The following KCNIP3 variants were observed in gnomAD, a reference collection of about 807,000 sequenced individuals.
KCNIP3 encodes the protein calsenilin.
Under a neutral mutation model 35.0 loss-of-function variants are expected in KCNIP3, and 28 were observed. The observed-to-expected ratio is 0.80, with a 90% CI of 0.59 to 1.10. KCNIP3 has a LOEUF of 1.10. KCNIP3 is among the 50% of genes least tolerant of loss of function. KCNIP3 has a pLI of 0.00. For missense variants in KCNIP3, 295 were observed against 338.4 expected (o/e 0.87, Z 1.01); for synonymous variants, 134 against 133.8 (o/e 1.00, Z -0.01).
intron 2 of KCNIP3, among the ~76,000 whole-genome samples, chr2:95,329,137 T>A (rs563463201): frequency 6.6e-6 from 1 of 152,316 alleles, no homozygotes; most frequent in South Asian, 2.1e-4. Flanking sequence ...TTTGGGTTAC[T>A]TCGAGGATTA....
chr2:95,355,334 T>G (rs577365227), intron 2 of KCNIP3: 30 of 152,294 alleles, frequency 2.0e-4, no homozygotes, highest in African/African-American at 5.5e-4. Flanking sequence ...GGAGGCGCTT[T>G]CTTTCTTTTT....
rs542673412 is a variant in KCNIP3, at chr2:95,318,016, C to T, written c.181+7496C>T. On this transcript the variant is annotated intron_variant, in intron 2 of 8. Coordinates refer to ENST00000295225, the MANE Select transcript of KCNIP3 (RefSeq NM_013434.5). ...GGCTACAGAAGGGACAGCTTTGGGC[C>T]GGGTCAAGGATTGGGCCTGCCTTAT... is the stretch of plus-strand genomic sequence containing the variant. Among the ~76,000 whole-genome samples, 7 of 101,366 alleles carry T rather than the reference C, an allele frequency of 6.9e-5. No homozygotes were observed. The South Asian group carries it at 2.1e-3, about 31-fold the overall frequency. The allele number at this position is 101,366 out of a possible 152,430, so 66.5% of individuals were successfully genotyped here.
At chr2:95,375,003 T>G (rs1157255019) in intron 4 of KCNIP3, 86 bp downstream of exon 4, 1 of 1,525,046 alleles carries the variant, frequency 6.6e-7, no homozygotes, top group East Asian at 2.3e-5. Context: ...GGAGGCTTGG[T>G]GCTGCCCCTG....
intron 2 of KCNIP3, among the ~76,000 whole-genome samples, chr2:95,353,587 T>C (rs539328886): frequency 6.6e-6 from 1 of 152,258 alleles, no homozygotes; most frequent in East Asian, 1.9e-4. Context: ...TACCTCCCAG[T>C]ATCCACTTTA....
intron 2 of KCNIP3, among the ~76,000 whole-genome samples, chr2:95,349,513 T>C (rs1326855894): frequency 6.6e-6 from 1 of 152,172 alleles, no homozygotes; most frequent in Non-Finnish European, 1.5e-5. Context: ...TCAGTCCCTT[T>C]CCCTTGATGA....
chr2:95,383,166 T>C, intron 7 of KCNIP3, 66 bp from the exon 8 acceptor site: 1 of 1,009,910 alleles, frequency 9.9e-7, no homozygotes, highest in Non-Finnish European at 1.4e-6. Flanking sequence ...TTCTGCGTCC[T>C]CAGGCCAGGG....
intron 1 of KCNIP3, among the ~76,000 whole-genome samples, chr2:95,308,130 T>C (rs780641398): frequency 5.9e-5 from 9 of 152,144 alleles, no homozygotes; most frequent in Non-Finnish European, 1.2e-4. Context: ...GTGAGCATTG[T>C]ACACGTGTGT....
rs778536823 is a variant in KCNIP3 at position 95,374,433 on chromosome 2, C to T, written c.306+13C>T. On this transcript the variant is annotated intron_variant, in intron 3 of 8. Transcript: ENST00000295225. ...GGGCTTTAAGAATGTGAGTGTTCCCCATTCCCCCGGGAGAGGCCTTGGAGA... is the reference window on the plus strand; with the variant it reads ...GGGCTTTAAGAATGTGAGTGTTCCCTATTCCCCCGGGAGAGGCCTTGGAGA... 1.9e-6 allele frequency: 3 copies of T among 1,613,158 alleles called. No individual in the cohort carries two copies. The highest frequency in any genetic ancestry group is 2.2e-5 in the East Asian group (1 of 44,870).
chr2:95,374,491 T>C (rs1480630182), intron 3 of KCNIP3, 71 bp downstream of exon 3: 3 of 1,562,500 alleles, frequency 1.9e-6, no homozygotes, highest in Non-Finnish European at 2.6e-6. Flanking sequence ...AACTTCTCCA[T>C]GCCACAGTAA....
At chr2:95,374,243 A>G in intron 2 of KCNIP3, 53 bp from the exon 3 acceptor site, 1 of 1,592,198 alleles carries the variant, frequency 6.3e-7, no homozygotes, top group Non-Finnish European at 8.6e-7. Flanking sequence ...CTGGAGCAAG[A>G]TGGAGGAGCA....
intron 3 of KCNIP3, 30 bp downstream of exon 3, chr2:95,374,450 C>A: frequency 6.2e-7 from 1 of 1,608,658 alleles, no homozygotes; most frequent in Non-Finnish European, 8.5e-7. Flanking sequence ...CCGGGAGAGG[C>A]CTTGGAGACC....
At chr2:95,312,581 T>G (rs1279914232) in intron 2 of KCNIP3, 1 of 152,332 alleles carries the variant, frequency 6.6e-6, no homozygotes, top group Non-Finnish European at 1.5e-5. Flanking sequence ...CCGGACCTTG[T>G]GCCGGCACTG....
Position 95,380,165 on chromosome 2 carries a change from A to C in KCNIP3, c.448-1431A>C, listed in dbSNP as rs995301841. 4.6e-5 allele frequency among the ~76,000 whole-genome samples: 7 copies of C among 151,940 alleles called. No individual in the cohort carries two copies. The South Asian group carries it at 1.2e-3, about 27-fold the overall frequency. On this transcript the variant is annotated intron_variant, in intron 5 of 8. Transcript: ENST00000295225. ...ATTTGCTCTCCCAACCTTTCTTTTT[A>C]AGTCTGTCATTTTGCTTTCTTATTT... is the stretch of plus-strand genomic sequence containing the variant.
chr2:95,371,596 T>A (rs1347412472), intron 2 of KCNIP3, among the ~76,000 whole-genome samples: 3 of 152,214 alleles, frequency 2.0e-5, no homozygotes, highest in Non-Finnish European at 4.4e-5. Context: ...TGTCATACCA[T>A]TTACTGGAAA....
At chr2:95,362,403 G>A (rs567329640) in intron 2 of KCNIP3, among the ~76,000 whole-genome samples, 1 of 152,200 alleles carries the variant, frequency 6.6e-6, no homozygotes, top group East Asian at 1.9e-4. Flanking sequence ...ACCACACCCG[G>A]CCTCTCTTAC....
intron 2 of KCNIP3, among the ~76,000 whole-genome samples, chr2:95,359,474 C>A (rs1679737963): frequency 6.6e-6 from 1 of 152,238 alleles, no homozygotes; most frequent in Non-Finnish European, 1.5e-5. Context: ...CACTGGGGCC[C>A]TGGGCACCCC....
rs561605140 is a variant in KCNIP3 at position 95,376,018 on chromosome 2, C to T, written c.447+810C>T. ...AATAATAACTTGTCGATAAGCTGCG[C>T]GGGTTATTTTTATGCCGCAAGCCCG... On this transcript the variant is annotated intron_variant, in intron 5 of 8. Transcript: ENST00000295225. The surrounding 1 kb of genome is among the most constrained non-coding windows in gnomAD (Gnocchi z 4.2). Among the ~76,000 whole-genome samples, 4 of 152,302 alleles carry T rather than the reference C, an allele frequency of 2.6e-5. No homozygotes were observed. Among genetic ancestry groups the T allele is most frequent in the Middle Eastern group, 3.4e-3 (1 of 294 alleles).
chr2:95,325,483 G>A (rs1275015339), intron 2 of KCNIP3, among the ~76,000 whole-genome samples: 1 of 152,136 alleles, frequency 6.6e-6, no homozygotes, highest in African/African-American at 2.4e-5. Flanking sequence ...CAGGCAGGAG[G>A]TTCAGGGGGC....
At chr2:95,362,412 A>T (rs1679821607) in intron 2 of KCNIP3, among the ~76,000 whole-genome samples, 1 of 151,762 alleles carries the variant, frequency 6.6e-6, no homozygotes, top group Non-Finnish European at 1.5e-5. Context: ...GGCCTCTCTT[A>T]CTCTTCATAT....
Sources: allele counts gnomAD v4.1 joint callset (sites outside exome capture counted in the v4.1 genomes callset), GRCh38; gene constraint gnomAD v4.1.1; non-coding constraint Gnocchi (gnomAD v3.1); transcripts MANE v1.5; gene names NCBI Gene and HGNC (gene_info 2026-07-23, HGNC 2026-07-21).